PCDHA5: variants seen among roughly 807,000 people sequenced by gnomAD.
PCDHA5 encodes the protein protocadherin alpha-5.
PCDHA5 carries 43 observed loss-of-function variants against 61.6 expected under a neutral mutation model. The observed-to-expected ratio is 0.70, with a 90% CI of 0.55 to 0.90. PCDHA5 has a LOEUF of 0.90. Ranked by LOEUF, PCDHA5 falls within the 40% of genes least tolerant of loss-of-function variation. PCDHA5 has a pLI of 0.00. For missense variants in PCDHA5, 1,298 were observed against 1,222.7 expected (o/e 1.06, Z -0.92); for synonymous variants, 627 against 543.9 (o/e 1.15, Z -2.13).
intron 1 of PCDHA5, chr5:140,853,901 CCTGA>C: frequency 1.0e-6 from 1 of 961,464 alleles, no homozygotes; most frequent in African/African-American, 1.8e-5. Flanking sequence ...GATGTGGTGG[CCTGA>C]CACCTGCAAT....
intron 1 of PCDHA5, among the ~76,000 whole-genome samples, chr5:140,875,100 G>C (rs558585314): frequency 6.6e-6 from 1 of 152,124 alleles, no homozygotes; most frequent in Non-Finnish European, 1.5e-5. Context: ...TTGATGTTTT[G>C]TTACTAATAT....
At chr5:140,916,363 T>C (rs2077541371) in intron 1 of PCDHA5, among the ~76,000 whole-genome samples, 2 of 152,124 alleles carry the variant, frequency 1.3e-5, no homozygotes, top group African/African-American at 4.8e-5. Context: ...GAAGGAGTCT[T>C]TCACTGTAGC....
intron 1 of PCDHA5, among the ~76,000 whole-genome samples, chr5:140,846,400 A>T (rs1581110513): frequency 9.9e-6 from 1 of 101,082 alleles, no homozygotes; most frequent in Non-Finnish European, 1.8e-5. Flanking sequence ...TTTGAGACGG[A>T]GTCTCGCTCT....
rs1448564423 is a variant in PCDHA5 at position 140,841,223 on chromosome 5, A to G, written c.2352+17096A>G. 4.8e-6 allele frequency: 7 copies of G among 1,448,108 alleles called. No homozygotes were observed. In the Admixed American group the frequency reaches 6.8e-5, roughly 14 times the overall value. The allele number at this position is 1,448,108 out of a possible 1,614,324, so 89.7% of individuals were successfully genotyped here. ...CAGCATCTGTCTCTAAAGGCCGAAC[A>G]ACGGGAGATGCAGCGGAATTGGATT... is the stretch of plus-strand genomic sequence containing the variant. On this transcript the variant is annotated intron_variant, in intron 1 of 3. Transcript: ENST00000529859.
chr5:140,868,806 G>A (rs374832846), intron 1 of PCDHA5: 20 of 357,070 alleles, frequency 5.6e-5, no homozygotes, highest in African/African-American at 2.7e-4. Context: ...AAATAAGCAC[G>A]TTGGAAATAT....
At chr5:140,876,583 CT>C in intron 1 of PCDHA5, 1 of 1,614,194 alleles carries the variant, frequency 6.2e-7, no homozygotes, top group Non-Finnish European at 8.5e-7. Context: ...CGTCATTGCC[CT>C]GATTAGCGTG....
Position 140,876,798 on chromosome 5 carries a change from C to G in PCDHA5, c.2352+52671C>G, listed in dbSNP as rs199586239. 1.6e-4 allele frequency: 252 copies of G among 1,614,180 alleles called. 4 individuals are homozygous for G. The East Asian group carries it at 3.4e-3, about 22-fold the overall frequency. ...CGCTGTGGGCCACGGCTAGAGTGTC[C>G]GTGGAGGTGGCCGACGTGAACGACA... On this transcript the variant is annotated intron_variant, in intron 1 of 3. Coordinates refer to ENST00000529859, the MANE Select transcript of PCDHA5 (RefSeq NM_018908.3).
intron 1 of PCDHA5, chr5:140,871,317 G>A: frequency 6.2e-7 from 1 of 1,614,080 alleles, no homozygotes; most frequent in Non-Finnish European, 8.5e-7. Flanking sequence ...AGCCCACGCT[G>A]GTGTGCTCCC....
In PCDHA5 at chr5:140,967,905, C is replaced by G. The variant is rs782291807; in HGVS notation, c.2353-11044C>G. ...AGCCCAGTGCCTGAGAATGCTACAC[C>G]CAACACCATTGTGGCCGTTCTCAGT... is the stretch of plus-strand genomic sequence containing the variant. On this transcript the variant is annotated intron_variant, in intron 1 of 3. Transcript: ENST00000529859. 36 of 1,614,168 alleles carry G rather than the reference C, an allele frequency of 2.2e-5. No homozygotes were observed. Among genetic ancestry groups the G allele is most frequent in the Non-Finnish European group, 2.8e-5 (33 of 1,180,028 alleles).
intron 1 of PCDHA5, chr5:140,858,182 A>T: frequency 6.3e-7 from 1 of 1,597,504 alleles, no homozygotes. Flanking sequence ...GCTGGTGCTC[A>T]CGCTGCTGCT....
chr5:140,933,494 T>C (rs901456699), intron 1 of PCDHA5, among the ~76,000 whole-genome samples: 3 of 152,110 alleles, frequency 2.0e-5, no homozygotes, highest in Non-Finnish European at 4.4e-5. Context: ...TTCTTTAGAA[T>C]TGTTAAGCAA....
chr5:140,883,559 G>A (rs2059672435), intron 1 of PCDHA5: 5 of 1,614,074 alleles, frequency 3.1e-6, no homozygotes, highest in Non-Finnish European at 4.2e-6. Context: ...GCGGGACGGG[G>A]GCTCGCCTTC....
In PCDHA5 at chr5:140,927,920, T is replaced by C. The variant is rs782193396; in HGVS notation, c.2353-51029T>C. Reference sequence around the variant, plus strand: ...GATCATGCCCCCGAACTGGACTTCCTGACTCTTTCGAACCCAGTACCTGAG... The same window carrying C: ...GATCATGCCCCCGAACTGGACTTCCCGACTCTTTCGAACCCAGTACCTGAG... On this transcript the variant is annotated intron_variant, in intron 1 of 3. Transcript: ENST00000529859. 6.2e-6 allele frequency: 10 copies of C among 1,614,120 alleles called. No individual in the cohort carries two copies. In the South Asian group the frequency reaches 1.1e-4, roughly 18 times the overall value.
intron 1 of PCDHA5, chr5:140,841,904 G>A (rs2150325203): frequency 1.9e-6 from 3 of 1,613,860 alleles, no homozygotes; most frequent in Non-Finnish European, 2.5e-6. Flanking sequence ...GGTTGAGCTC[G>A]TATTAAGAAA....
chr5:140,844,872 C>G (rs925437719), intron 1 of PCDHA5, among the ~76,000 whole-genome samples: 1 of 148,974 alleles, frequency 6.7e-6, no homozygotes, highest in Non-Finnish European at 1.5e-5. Flanking sequence ...TATTAAATAC[C>G]CATTAGACTT....
chr5:140,882,932 C>G (rs946510478), intron 1 of PCDHA5: 1 of 1,614,196 alleles, frequency 6.2e-7, no homozygotes, highest in Admixed American at 1.7e-5. Flanking sequence ...TAAACCCGAG[C>G]TGACTGGCAC....
At chr5:140,953,988 A>G (rs1554221181) in intron 1 of PCDHA5, among the ~76,000 whole-genome samples, 1 of 151,898 alleles carries the variant, frequency 6.6e-6, no homozygotes, top group African/African-American at 2.4e-5. Flanking sequence ...TCATATTTTC[A>G]TGTGTACTCA....
chr5:140,880,381 A>C (rs2058322833), intron 1 of PCDHA5, among the ~76,000 whole-genome samples: 1 of 152,196 alleles, frequency 6.6e-6, no homozygotes, highest in Admixed American at 6.5e-5. Context: ...GAGAATAGAA[A>C]ATAATTTTTA....
intron 1 of PCDHA5, chr5:140,867,827 C>A (rs1219513690): frequency 2.0e-5 from 3 of 152,066 alleles, no homozygotes; most frequent in Non-Finnish European, 4.4e-5. Context: ...TCCACAAGCA[C>A]TAAGGTAATT....
Sources: allele counts gnomAD v4.1 joint callset (sites outside exome capture counted in the v4.1 genomes callset), GRCh38; gene constraint gnomAD v4.1.1; transcripts MANE v1.5; gene names NCBI Gene and HGNC (gene_info 2026-07-23, HGNC 2026-07-21).